ATR: variants seen among roughly 807,000 people sequenced by gnomAD.
The protein encoded by ATR is serine/threonine-protein kinase ATR.
In ATR, 142 loss-of-function variants were observed where a neutral mutation model predicts 305.3. That is an observed-to-expected ratio of 0.47 (90% CI 0.41 to 0.53). The LOEUF (loss-of-function observed/expected upper bound fraction) is 0.53. Ranked by LOEUF, ATR falls within the 20% of genes least tolerant of loss-of-function variation. The probability of loss-of-function intolerance (pLI) is 0.00; values close to 1 mark genes in which losing one functional copy is unlikely to be tolerated. For missense variants in ATR, 2,135 were observed against 3,133.1 expected, an observed-to-expected ratio of 0.68 and a Z score of 7.60; for synonymous variants, 1,050 against 1,068.1, an observed-to-expected ratio of 0.98 and a Z score of 0.33.
intron 35 of ATR, among the ~76,000 whole-genome samples, chr3:142,487,244 C>A (rs1028083638): frequency 6.6e-6 from 1 of 152,168 alleles, no homozygotes. Flanking sequence ...CAAGGCAATC[C>A]TCCCTCCTCA....
intron 20 of ATR, 80 bp from the exon 21 acceptor site, chr3:142,535,285 T>G: frequency 6.4e-7 from 1 of 1,553,814 alleles, no homozygotes; most frequent in Non-Finnish European, 8.8e-7. Context: ...ATTCTCTATA[T>G]AGTTACCATT....
intron 27 of ATR, among the ~76,000 whole-genome samples, chr3:142,510,283 C>T (rs770206999): frequency 2.6e-5 from 4 of 151,808 alleles, no homozygotes; most frequent in Non-Finnish European, 2.9e-5. Flanking sequence ...ACTGCTTGAG[C>T]CCAGGAGTTA....
intron 34 of ATR, 43 bp downstream of exon 34, chr3:142,496,318 A>G (rs754590474): frequency 4.8e-5 from 11 of 230,426 alleles, no homozygotes; most frequent in South Asian, 1.8e-4. Context: ...ATATATATAT[A>G]TATATATATA....
intron 8 of ATR, 144 bp from the exon 9 acceptor site, chr3:142,556,719 T>C (rs768046435): frequency 2.5e-5 from 20 of 785,254 alleles, no homozygotes; most frequent in Non-Finnish European, 3.7e-5. Flanking sequence ...ATTTAATACC[T>C]AATTTAATTA....
Position 142,549,464 on chromosome 3 carries a change from G to T in ATR, c.3171+15C>A. 2 of 1,507,184 alleles carry T rather than the reference G, an allele frequency of 1.3e-6. No homozygotes were observed. Among genetic ancestry groups the T allele is most frequent in the East Asian group, 2.4e-5 (1 of 41,150 alleles). The allele number at this position is 1,507,184 out of a possible 1,614,324, so 93.4% of individuals were successfully genotyped here. A position where few individuals can be genotyped will look rare whatever the true frequency, so the allele number is the denominator to read the frequency against. ...TTTATATAAAAAAGTAAAATATATA[G>T]AAATATTCAATTACCTTCAGATAAT... is the stretch of plus-strand genomic sequence containing the variant. On this transcript the variant is annotated intron_variant, in intron 15 of 46. Transcript: ENST00000350721.
At chr3:142,542,298 G>A (rs1045342376) in intron 17 of ATR, among the ~76,000 whole-genome samples, 2 of 152,102 alleles carry the variant, frequency 1.3e-5, no homozygotes, top group African/African-American at 4.8e-5. Flanking sequence ...AAGCCATTGA[G>A]GTCATTAACT....
intron 6 of ATR, among the ~76,000 whole-genome samples, chr3:142,559,897 A>G (rs2034815340): frequency 6.6e-6 from 1 of 152,204 alleles, no homozygotes; most frequent in Non-Finnish European, 1.5e-5. Context: ...CCCTGTCTTC[A>G]ACAGCCAAAC....
chr3:142,573,792 T>C (rs924089963), intron 1 of ATR, among the ~76,000 whole-genome samples: 14 of 152,190 alleles, frequency 9.2e-5, no homozygotes, highest in African/African-American at 3.4e-4. Flanking sequence ...CCACTGTGTA[T>C]CTTATATTTA....
chr3:142,553,514 A>G, intron 12 of ATR, 116 bp from the exon 13 acceptor site: 1 of 1,449,670 alleles, frequency 6.9e-7, no homozygotes, highest in Non-Finnish European at 9.5e-7. Context: ...CTACAAATAA[A>G]TTCATGTTGA....
intron 18 of ATR, among the ~76,000 whole-genome samples, chr3:142,539,627 G>T (rs185505731): frequency 6.6e-6 from 1 of 152,188 alleles, no homozygotes; most frequent in East Asian, 1.9e-4. Context: ...TATGAACTAT[G>T]GTTGTTTTGC....
chr3:142,563,795 A>G (rs1165372067), intron 3 of ATR, among the ~76,000 whole-genome samples: 1 of 152,248 alleles, frequency 6.6e-6, no homozygotes, highest in East Asian at 1.9e-4. Flanking sequence ...CTCTTTCACC[A>G]AACAACCAAC....
chr3:142,487,326 G>A (rs981247529), intron 35 of ATR, among the ~76,000 whole-genome samples: 6 of 152,062 alleles, frequency 3.9e-5, no homozygotes, highest in African/African-American at 7.2e-5. Context: ...TTGTAGAGAC[G>A]GAGATTTGCT....
chr3:142,518,500 G>C (rs1286301004), intron 24 of ATR, among the ~76,000 whole-genome samples: 1 of 152,208 alleles, frequency 6.6e-6, no homozygotes, highest in Admixed American at 6.5e-5. Context: ...CTGGGCAACA[G>C]AGTGAGACTC....
At chr3:142,450,508 G>A (rs753973636) in intron 46 of ATR, 5 of 1,604,474 alleles carry the variant, frequency 3.1e-6, no homozygotes, top group Non-Finnish European at 4.3e-6. Context: ...GGATCCTTGT[G>A]AGGCTATTTC....
In ATR at chr3:142,568,110, T is replaced by C; in HGVS notation, c.104A>G (p.Gln35Arg). The change falls in exon 2 of 47, where the codon CAA becomes CGA. Residue 35 changes from glutamine to arginine, a missense_variant. By Grantham distance (43) the Gln-to-Arg change is conservative. This residue lies in a region of ATR where 744 missense variants were observed against 873.2 expected (regional missense o/e 0.85). Coordinates refer to ENST00000350721, the MANE Select transcript of ATR (RefSeq NM_001184.4). ...CCGGTCAATGAATTGACACAGAATT[T>C]GTCTTGGCTTCTGTACAACTGTATT... ...EYNTVVQKPRQILCQFIDRIL... is the reference protein window; with the variant it reads ...EYNTVVQKPRRILCQFIDRIL... 6.2e-7 allele frequency: 1 copy of C among 1,612,810 alleles called. No individual in the cohort carries two copies. Among genetic ancestry groups the C allele is most frequent in the Non-Finnish European group, 8.5e-7 (1 of 1,179,212 alleles).
chr3:142,507,003 G>T (rs1005202826), intron 28 of ATR, among the ~76,000 whole-genome samples: 4 of 152,142 alleles, frequency 2.6e-5, no homozygotes, highest in Non-Finnish European at 5.9e-5. Flanking sequence ...TTTGACAAAC[G>T]GAGTACAACA....
At chr3:142,458,917 G>A (rs369748890) in intron 44 of ATR, 41 bp downstream of exon 44, 1 of 1,600,776 alleles carries the variant, frequency 6.2e-7, no homozygotes, top group South Asian at 1.1e-5. Flanking sequence ...AAAGGAAATT[G>A]AGAGAAAACA....
chr3:142,476,658 G>A (rs886832509), intron 36 of ATR, among the ~76,000 whole-genome samples: 60 of 152,108 alleles, frequency 3.9e-4, no homozygotes, highest in African/African-American at 1.4e-3. Flanking sequence ...GATGGGGATG[G>A]CATTGAATCT....
chr3:142,492,236 A>G (rs1247952003), intron 35 of ATR, among the ~76,000 whole-genome samples: 1 of 152,162 alleles, frequency 6.6e-6, no homozygotes, highest in African/African-American at 2.4e-5. Flanking sequence ...AATGCTCCAT[A>G]TTATGCAATG....
Sources: allele counts gnomAD v4.1 joint callset (sites outside exome capture counted in the v4.1 genomes callset), GRCh38; gene constraint gnomAD v4.1.1; regional missense constraint gnomAD v4.1.1; transcripts MANE v1.5; gene names NCBI Gene and HGNC (gene_info 2026-07-23, HGNC 2026-07-21).